The following C8orf89 variants were observed in gnomAD, a reference collection of about 807,000 sequenced individuals.
The protein encoded by C8orf89 is putative uncharacterized protein C8orf89.
Under a neutral mutation model 15.8 loss-of-function variants are expected in C8orf89, and 14 were observed. The observed-to-expected ratio is 0.89, with a 90% CI of 0.59 to 1.39. The LOEUF (loss-of-function observed/expected upper bound fraction) is 1.39, where lower values mean the gene tolerates loss of function less well. Among genes scored for constraint, C8orf89 ranks in the 40% most tolerant of loss-of-function variants. C8orf89 has a pLI of 0.00. For missense variants in C8orf89, 181 were observed against 184.5 expected (o/e 0.98, Z 0.11); for synonymous variants, 55 against 62.2 (o/e 0.88, Z 0.54).
Position 73,256,949 on chromosome 8 carries a change from G to A in C8orf89, c.281+24C>T, listed in dbSNP as rs939994501. ...TACTACAAATACACATTCAACAAAT[G>A]AGAATTAAATAGCAATGATCTACCT... On this transcript the variant is annotated intron_variant, in intron 2 of 3. Coordinates refer to ENST00000624510, the MANE Select transcript of C8orf89 (RefSeq NM_001243237.3). 8.6e-6 allele frequency: 13 copies of A among 1,505,722 alleles called. No individual in the cohort carries two copies. The African/African-American group carries it at 1.4e-4, about 16-fold the overall frequency. The allele number at this position is 1,505,722 out of a possible 1,614,324, so 93.3% of individuals were successfully genotyped here.
At chr8:73,283,083 CTG>C in the C8orf89 span, among the ~76,000 whole-genome samples, 1 of 152,060 alleles carries the variant, frequency 6.6e-6, no homozygotes, top group Non-Finnish European at 1.5e-5. Flanking sequence ...AGGCCAGAGA[CTG>C]TAATAAAGTT....
Position 73,241,441 on chromosome 8 carries a change from C to T in C8orf89, c.*16G>A. 1 of 1,502,782 alleles carries T rather than the reference C, an allele frequency of 6.7e-7. No individual in the cohort carries two copies. Among genetic ancestry groups the T allele is most frequent in the Non-Finnish European group, 8.9e-7 (1 of 1,128,738 alleles). 93.1% of individuals were successfully genotyped at this position (1,502,782 alleles called of 1,614,324 possible). On this transcript the variant is annotated 3_prime_UTR_variant, in exon 4 of 4. Transcript: ENST00000624510. The stretch of plus-strand genomic sequence containing the variant: ...TTAAAAGTCACTGAAGAAAGCATCA[C>T]ACTGTACGACATTTTTCAGCGGTCT...
intron 3 of C8orf89, among the ~76,000 whole-genome samples, chr8:73,249,024 GC>G (rs1241068041): frequency 6.6e-6 from 1 of 151,994 alleles, no homozygotes; most frequent in Non-Finnish European, 1.5e-5. Context: ...AGGTTTTTAA[GC>G]TTTTGCCCAT....
intron 2 of C8orf89, among the ~76,000 whole-genome samples, chr8:73,255,469 A>G (rs1410993885): frequency 4.6e-5 from 7 of 152,170 alleles, no homozygotes; most frequent in African/African-American, 7.2e-5. Context: ...TCAGGAAACA[A>G]CAGGTGCTAG....
chr8:73,276,872 T>C, the C8orf89 span, among the ~76,000 whole-genome samples: 2 of 137,114 alleles, frequency 1.5e-5, no homozygotes, highest in Non-Finnish European at 3.1e-5. Context: ...AGTGGCGTGA[T>C]CTCGGCTCAC....
chr8:73,284,231 G>T, the C8orf89 span, among the ~76,000 whole-genome samples: 10,320 of 22,000 alleles, frequency 0.47, 1,622 homozygotes, highest in Non-Finnish European at 0.48. Context: ...TTTTTTTTTT[G>T]GTGATGGAGT....
chr8:73,252,799 A>G (rs915739644), intron 2 of C8orf89, among the ~76,000 whole-genome samples: 7 of 152,232 alleles, frequency 4.6e-5, no homozygotes, highest in Non-Finnish European at 1.0e-4. Context: ...GGTGCAACTC[A>G]GAATGCTATA....
intron 3 of C8orf89, among the ~76,000 whole-genome samples, chr8:73,243,730 A>G (rs1041685297): frequency 6.6e-6 from 1 of 152,044 alleles, no homozygotes; most frequent in African/African-American, 2.4e-5. Flanking sequence ...GGGTTTCACC[A>G]TGTTGTCCAG....
chr8:73,263,191 C>T (rs2130300190), upstream of C8orf89, among the ~76,000 whole-genome samples: 1 of 152,172 alleles, frequency 6.6e-6, no homozygotes, highest in East Asian at 1.9e-4. Context: ...TTTAAGGCAC[C>T]CCCAAATATG....
At chr8:73,277,477 T>G in the C8orf89 span, 1 of 944,276 alleles carries the variant, frequency 1.1e-6, no homozygotes, top group East Asian at 2.4e-5. Flanking sequence ...AAGAATCCCC[T>G]GGTTTCCTGA....
At chr8:73,258,376 A>G (rs776771479) in intron 1 of C8orf89, among the ~76,000 whole-genome samples, 12 of 140,180 alleles carry the variant, frequency 8.6e-5, no homozygotes, top group Admixed American at 7.3e-4. Context: ...ACACCACTGC[A>G]CTCCAGCCTG....
At chr8:73,259,220 A>T in intron 1 of C8orf89, 112 bp downstream of exon 1, 1 of 621,492 alleles carries the variant, frequency 1.6e-6, no homozygotes, top group Non-Finnish European at 2.4e-6. Flanking sequence ...TTTAAGATAT[A>T]ATTCTTACAT....
chr8:73,260,568 G>A (rs1311684707), upstream of C8orf89, among the ~76,000 whole-genome samples: 1 of 152,164 alleles, frequency 6.6e-6, no homozygotes, highest in Non-Finnish European at 1.5e-5. Flanking sequence ...GGATAATACA[G>A]TTTTAGTAAG....
At chr8:73,256,917 G>T in intron 2 of C8orf89, 56 bp downstream of exon 2, 1 of 1,249,464 alleles carries the variant, frequency 8.0e-7, no homozygotes, top group Non-Finnish European at 1.1e-6. Flanking sequence ...TCTACATTCA[G>T]CAGTATTACT....
chr8:73,271,366 T>C, the C8orf89 span, among the ~76,000 whole-genome samples: 100 of 152,308 alleles, frequency 6.6e-4, no homozygotes, highest in African/African-American at 2.3e-3. Context: ...CTCCTGGCAG[T>C]GGGTGAGTTC....
chr8:73,271,729 C>A, the C8orf89 span, among the ~76,000 whole-genome samples: 1 of 152,046 alleles, frequency 6.6e-6, no homozygotes, highest in Non-Finnish European at 1.5e-5. Context: ...TAAAGACACC[C>A]GAGACTGTGC....
chr8:73,266,711 C>G, the C8orf89 span, among the ~76,000 whole-genome samples: 1 of 152,114 alleles, frequency 6.6e-6, no homozygotes, highest in Non-Finnish European at 1.5e-5. Flanking sequence ...ATTATACAGG[C>G]TTTTATTTAA....
At chr8:73,277,428 G>A in the C8orf89 span, 1 of 1,172,652 alleles carries the variant, frequency 8.5e-7, no homozygotes, top group Non-Finnish European at 1.2e-6. Flanking sequence ...GACAAAGTAG[G>A]TTTACTTTGT....
chr8:73,253,754 A>T (rs1485715772), intron 2 of C8orf89, among the ~76,000 whole-genome samples: 1 of 149,960 alleles, frequency 6.7e-6, no homozygotes, highest in Non-Finnish European at 1.5e-5. Flanking sequence ...GGTGTATAAG[A>T]ATGCTTGTGA....
Sources: gnomAD v4.1 joint callset for allele counts (sites outside exome capture counted in the v4.1 genomes callset) on GRCh38, gnomAD v4.1.1 for gene constraint, MANE v1.5 for transcripts, NCBI Gene and HGNC (gene_info 2026-07-23, HGNC 2026-07-21) for gene names.